Variants in GGT1 observed in about 807,000 individuals in gnomAD.
GGT1 encodes glutathione hydrolase 1 proenzyme.
A neutral mutation model predicts 56.0 loss-of-function variants in GGT1; 21 were observed. The ratio of observed to expected loss-of-function variants is 0.38; its 90% confidence interval spans 0.27 to 0.54. GGT1 has a LOEUF of 0.54. GGT1 is among the 20% of genes least tolerant of loss of function. The pLI is 0.82. For missense variants in GGT1, 466 were observed against 787.0 expected, an observed-to-expected ratio of 0.59 and a Z score of 4.88; for synonymous variants, 238 against 342.6, an observed-to-expected ratio of 0.69 and a Z score of 3.37.
Position 24,628,370 on chromosome 22 carries a change from G to C in GGT1, c.1545G>C (p.Val515=), listed in dbSNP as rs1337193848. ...AGCTTCTGCCCAACGTCACGACAGT[G>C]GAGAGAAACATTGACCAGGTGGGCC... ...HNQLLPNVTT[V]ERNIDQAVTA... The change falls in exon 15 of 16, where the codon GTG becomes GTC. Residue 515 remains valine (V), a synonymous_variant. Coordinates refer to ENST00000400382, the MANE Select transcript of GGT1 (RefSeq NM_001288833.2). The surrounding 1 kb of genome is among the most constrained non-coding windows in gnomAD (Gnocchi z 5.7). The C allele has an allele frequency of 2.5e-6, 4 of 1,611,310 alleles. No homozygotes were observed. In the East Asian group the frequency reaches 8.9e-5, roughly 36 times the overall value.
upstream of GGT1, among the ~76,000 whole-genome samples, chr22:24,594,384 C>CGTGTGTGTGTGTGTGTGTGTGT (rs762877347): frequency 7.1e-6 from 1 of 140,082 alleles, no homozygotes; most frequent in African/African-American, 2.8e-5. Context: ...GCCAAGCACC[C>CGTGTGTGTGTGTGTGTGTGTGT]GTGTGTATGT....
chr22:24,585,942 A>G, the GGT1 span: 1 of 1,609,096 alleles, frequency 6.2e-7, no homozygotes, highest in Non-Finnish European at 8.5e-7. Flanking sequence ...GTGGAGTCCC[A>G]GGTGGAGGCA....
At chr22:24,600,877 G>A (rs1243867184), upstream of GGT1, among the ~76,000 whole-genome samples, 1 of 152,244 alleles carries the variant, frequency 6.6e-6, no homozygotes, top group Non-Finnish European at 1.5e-5. Context: ...GGCGCTTAAT[G>A]TTGGTAAGAA....
At chr22:24,618,527 G>C (rs1206603575) in intron 7 of GGT1, among the ~76,000 whole-genome samples, 1 of 152,226 alleles carries the variant, frequency 6.6e-6, no homozygotes, top group Non-Finnish European at 1.5e-5. Flanking sequence ...GGAGGCGGAG[G>C]TTGTAGTGAG....
upstream of GGT1, chr22:24,592,557 C>T: frequency 2.2e-6 from 1 of 450,642 alleles, no homozygotes; most frequent in South Asian, 1.9e-5. Context: ...GCTACCGGGC[C>T]ACCCTCAACA....
At chr22:24,615,955 GA>G in intron 7 of GGT1, 2 of 151,052 alleles carry the variant, frequency 1.3e-5, no homozygotes, top group East Asian at 1.9e-4. Context: ...ACAAAAAACG[GA>G]AAAAAAAATT....
chr22:24,588,516 G>A, the GGT1 span: 1 of 758,244 alleles, frequency 1.3e-6, no homozygotes, highest in Non-Finnish European at 2.1e-6. Context: ...CAGAGCCAGG[G>A]GAGGCTGCCC....
chr22:24,605,858 T>C lies in GGT1; in HGVS notation c.-428-2096T>C, dbSNP rs1278268338. 1.5e-4 allele frequency among the ~76,000 whole-genome samples: 12 copies of C among 77,886 alleles called. 1 individual carries two copies. Among genetic ancestry groups the C allele is most frequent in the Non-Finnish European group, 2.6e-4 (12 of 45,982 alleles). 51.1% of individuals were successfully genotyped at this position (77,886 alleles called of 152,430 possible). ...GTATTATATATTATATAATATATGATGTGTATTATATATTATATAATATAT... is the reference window on the plus strand; with the variant it reads ...GTATTATATATTATATAATATATGACGTGTATTATATATTATATAATATAT... On this transcript the variant is annotated intron_variant, in intron 1 of 15. Transcript: ENST00000400382.
At chr22:24,623,960 T>C in intron 11 of GGT1, 44 bp downstream of exon 11, 4 of 1,609,776 alleles carry the variant, frequency 2.5e-6, no homozygotes, top group Non-Finnish European at 2.5e-6. Flanking sequence ...GGGCCTGCCA[T>C]AGAGGCATCA....
Position 24,620,650 on chromosome 22 carries a change from A to G in GGT1, c.575+130A>G. On this transcript the variant is annotated intron_variant, in intron 8 of 15. Transcript: ENST00000400382. The surrounding 1 kb of genome is among the most constrained non-coding windows in gnomAD (Gnocchi z 5.6). ...TGCTGATAATGGGATGAGGAGATAC[A>G]GACCCTTCCCACCACGTGTGGGGAC... The G allele has an allele frequency of 6.6e-7, 1 of 1,504,926 alleles. No homozygotes were observed. Among genetic ancestry groups the G allele is most frequent in the Non-Finnish European group, 8.9e-7 (1 of 1,128,072 alleles). The allele number at this position is 1,504,926 out of a possible 1,614,324, so 93.2% of individuals were successfully genotyped here.
intron 1 of GGT1, among the ~76,000 whole-genome samples, chr22:24,606,186 G>C (rs1388041376): frequency 7.0e-6 from 1 of 143,716 alleles, no homozygotes; most frequent in African/African-American, 2.6e-5. Flanking sequence ...TGTGCACAAC[G>C]TACAGGTTTG....
chr22:24,614,437 GAAACCCC>G (rs2046921737), intron 5 of GGT1, among the ~76,000 whole-genome samples: 2 of 146,722 alleles, frequency 1.4e-5, no homozygotes, highest in Non-Finnish European at 3.0e-5. Flanking sequence ...CCAACATGGT[GAAACCCC>G]GTCTCTACTA....
At chr22:24,589,530 C>T in the GGT1 span, 1 of 458,042 alleles carries the variant, frequency 2.2e-6, no homozygotes, top group African/African-American at 2.1e-5. Context: ...TTCTGCCCAG[C>T]TATAGTCTTC....
intron 5 of GGT1, among the ~76,000 whole-genome samples, chr22:24,612,661 A>G (rs2046794821): frequency 6.6e-6 from 1 of 151,114 alleles, no homozygotes; most frequent in Non-Finnish European, 1.5e-5. Flanking sequence ...TGAGTAGCTG[A>G]TATTACAGGC....
chr22:24,610,001 C>T lies in GGT1; in HGVS notation c.-322C>T. 1 of 466,408 alleles carries T rather than the reference C, an allele frequency of 2.1e-6. No individual in the cohort carries two copies. The highest frequency in any genetic ancestry group is 4.4e-6 in the Non-Finnish European group (1 of 225,832). 28.9% of individuals were successfully genotyped at this position (466,408 alleles called of 1,614,324 possible). A position where few individuals can be genotyped will look rare whatever the true frequency, so the allele number is the denominator to read the frequency against. ...AGGTGCTGCCGTCATCCAGGCTGGA[C>T]AGTTCAGTGATTTGCCTGAGGCCCC... On this transcript the variant is annotated 5_prime_UTR_variant, in exon 3 of 16. Transcript: ENST00000400382.
upstream of GGT1, among the ~76,000 whole-genome samples, chr22:24,593,525 C>T (rs1040351301): frequency 2.0e-5 from 3 of 152,138 alleles, no homozygotes; most frequent in Non-Finnish European, 4.4e-5. Flanking sequence ...TGGTGGCTCA[C>T]GCCTGTAATC....
chr22:24,623,237 C>T lies in GGT1; in HGVS notation c.864C>T (p.Leu288=). The T allele has an allele frequency of 2.5e-6, 4 of 1,581,024 alleles. No individual in the cohort carries two copies. Among genetic ancestry groups the T allele is most frequent in the South Asian group, 1.1e-5 (1 of 87,984 alleles). The change falls in exon 10 of 16, where the codon CTC becomes CTT. Residue 288 remains leucine (L), a synonymous_variant. Transcript: ENST00000400382. ...CGCTCAGCGGGCCCGTGCTGGCCCT[C>T]ATCCTCAACATCCTCAAAGGTGAGT... ...SAPLSGPVLA[L]ILNILKGYNF...
At chr22:24,589,370 A>T in the GGT1 span, 19 of 1,129,544 alleles carry the variant, frequency 1.7e-5, no homozygotes, top group South Asian at 3.6e-4. Flanking sequence ...CCCGTCCGCA[A>T]GGGTGTCTGT....
chr22:24,594,391 A>ATGTATGTG (rs2045654668), upstream of GGT1, among the ~76,000 whole-genome samples: 1 of 142,208 alleles, frequency 7.0e-6, no homozygotes, highest in Non-Finnish European at 1.5e-5. Context: ...ACCCGTGTGT[A>ATGTATGTG]TGTGTGTGTG....
Sources: gnomAD v4.1 joint callset for allele counts (sites outside exome capture counted in the v4.1 genomes callset) on GRCh38, gnomAD v4.1.1 for gene constraint, Gnocchi (gnomAD v3.1) non-coding constraint, MANE v1.5 for transcripts, NCBI Gene and HGNC (gene_info 2026-07-23, HGNC 2026-07-21) for gene names.